TTN: variants seen among roughly 807,000 people sequenced by gnomAD.
TTN encodes the protein titin.
In TTN, 1,525 loss-of-function variants were observed where a neutral mutation model predicts 3,223.0. The observed-to-expected ratio is 0.47, with a 90% CI of 0.45 to 0.49. The LOEUF (loss-of-function observed/expected upper bound fraction) is 0.49, where lower values mean the gene tolerates loss of function less well. Among genes scored for constraint, TTN ranks in the 20% least tolerant of loss-of-function variants. The pLI is 0.00. For synonymous variants in TTN, 14,094 were observed against 15,161.0 expected (o/e 0.93, Z 5.17); for missense variants, 40,786 against 43,424.0 (o/e 0.94, Z 5.40).
chr2:178,527,304 AT>A lies in TTN; in HGVS notation c.107683del (p.Ile35895PhefsTer20). On this transcript the variant is annotated frameshift_variant and splice_region_variant, in exon 363 of 363. Coordinates refer to ENST00000589042, the MANE Select transcript of TTN (RefSeq NM_001267550.2). LOFTEE classifies it high-confidence loss of function. ...TGGAAGAGCTTCAATTTTAGGCGGA[AT>A]TCCTTTATGGAACAATGACAAAAAA... ...SKMLKAGIRG[I>X]PPKIEALPSD... 1 of 1,590,980 alleles carries A rather than the reference AT, an allele frequency of 6.3e-7. No homozygotes were observed. Among genetic ancestry groups the A allele is most frequent in the Non-Finnish European group, 8.6e-7 (1 of 1,168,294 alleles).
chr2:178,682,187 T>C (rs2069583446), intron 135 of TTN, among the ~76,000 whole-genome samples: 1 of 152,120 alleles, frequency 6.6e-6, no homozygotes, highest in South Asian at 2.1e-4. Context: ...TGACCTTCAT[T>C]AGGTAAAACA....
At chr2:178,604,615 T>C (rs2054340692) in intron 281 of TTN, 93 bp downstream of exon 281, 15 of 1,360,736 alleles carry the variant, frequency 1.1e-5, no homozygotes, top group Non-Finnish European at 1.4e-5. Context: ...TGGTTTTGAG[T>C]TTAATTATCA....
rs56324595 is a variant in TTN, at chr2:178,530,846, C to T, written c.105769G>A (p.Glu35257Lys). The T allele has an allele frequency of 0.017, 28,170 of 1,613,672 alleles. 315 individuals carry two copies. Among genetic ancestry groups the T allele is most frequent in the Non-Finnish European group, 0.02 (24,162 of 1,179,842 alleles). ...GATACGGCTTTCGGGTGAGAAGGTTCTGGAGATTTCACTCGTTTTGGAGAC... is the reference window on the plus strand; with the variant it reads ...GATACGGCTTTCGGGTGAGAAGGTTTTGGAGATTTCACTCGTTTTGGAGAC... ...VKSPKRVKSP[E>K]PSHPKAVSPT... Residue 35257 changes from glutamate to lysine, a missense_variant, in exon 358 of 363, where the codon GAA becomes AAA. Physicochemically the swap from Glu to Lys is moderately conservative, Grantham distance 56 (BLOSUM62 1). Coordinates refer to ENST00000589042, the MANE Select transcript of TTN (RefSeq NM_001267550.2).
rs2052857584 is a variant in TTN at position 178,599,974 on chromosome 2, T to C, written c.56051-124A>G. The C allele has an allele frequency of 6.9e-6, 6 of 872,620 alleles. No individual in the cohort carries two copies. In the South Asian group the frequency reaches 1.3e-4, roughly 19 times the overall value. 54.1% of individuals were successfully genotyped at this position (872,620 alleles called of 1,614,324 possible). A position where few individuals can be genotyped will look rare whatever the true frequency, so the allele number is the denominator to read the frequency against. On this transcript the variant is annotated intron_variant, in intron 288 of 362. Coordinates refer to ENST00000589042, the MANE Select transcript of TTN (RefSeq NM_001267550.2). ...GCAGACTTTGTAGCTCAGCCCAATA[T>C]AAAGAATGGTTCTGTCTTTAACACT...
intron 146 of TTN, 112 bp downstream of exon 146, chr2:178,677,509 G>A (rs1397264918): frequency 1.8e-6 from 2 of 1,131,358 alleles, no homozygotes; most frequent in African/African-American, 1.6e-5. Flanking sequence ...GATTTAGGTG[G>A]TCAATCACAG....
rs1447249014 is a variant in TTN, at chr2:178,617,862, CTG to C, written c.47487_47488del (p.Tyr15829Ter). On this transcript the variant is annotated stop_gained and frameshift_variant, in exon 253 of 363. Coordinates refer to ENST00000589042, the MANE Select transcript of TTN (RefSeq NM_001267550.2). LOFTEE classifies it high-confidence loss of function. ...TCGATTTTGGGCTCTCACTCGGAAA[CTG>C]TACTCCTGTCCTTCTACCACATCAG... 6.2e-7 allele frequency: 1 copy of C among 1,612,522 alleles called. No homozygotes were observed. The highest frequency in any genetic ancestry group is 1.3e-5 in the African/African-American group (1 of 74,802).
chr2:178,605,642 C>G lies in TTN; in HGVS notation c.53653G>C (p.Glu17885Gln). The G allele has an allele frequency of 6.2e-7, 1 of 1,611,132 alleles. No homozygotes were observed. The highest frequency in any genetic ancestry group is 1.3e-5 in the African/African-American group (1 of 74,864). ...TKSTITLDWK[E>Q]PRSNGGSPIQ... ...GGACTGCCACCATTACTGCGGGGCT[C>G]TTTCCAGTCAAGTGTGATAGTGGAC... Residue 17885 changes from glutamate (E) to glutamine (Q), a missense_variant, in exon 279 of 363, where the codon GAG (glutamate) becomes CAG (glutamine). Glu to Gln is a conservative substitution (Grantham distance 29). Transcript: ENST00000589042.
rs368692616 is a variant in TTN, at chr2:178,731,329, A to T, written c.17437T>A (p.Cys5813Ser). The T allele has an allele frequency of 1.7e-5, 28 of 1,613,804 alleles. No individual in the cohort carries two copies. In the African/African-American group the frequency reaches 3.5e-4, roughly 20 times the overall value. The change falls in exon 59 of 363, where the codon TGT becomes AGT. Residue 5813 changes from cysteine to serine, a missense_variant. Physicochemically the swap from Cys to Ser is moderately radical, Grantham distance 112. Coordinates refer to ENST00000589042, the MANE Select transcript of TTN (RefSeq NM_001267550.2). ...CCTTTTACTGAGAGTAATGCAGAAC[A>T]TCTTTGTATTCCTGCATCATTTTTG... ...QAKNDAGIQR[C>S]SALLSVKEPA... is the part of the protein sequence containing the mutation.
rs753055426 is a variant in TTN at position 178,573,625 on chromosome 2, T to C, written c.72507A>G (p.Ala24169=). 32 of 1,502,096 alleles carry C rather than the reference T, an allele frequency of 2.1e-5. No homozygotes were observed. Among genetic ancestry groups the C allele is most frequent in the Non-Finnish European group, 2.8e-5 (32 of 1,128,104 alleles). 93.0% of individuals were successfully genotyped at this position (1,502,096 alleles called of 1,614,324 possible). Residue 24169 remains alanine, a synonymous_variant, in exon 326 of 363, where the codon GCA becomes GCG. Coordinates refer to ENST00000589042, the MANE Select transcript of TTN (RefSeq NM_001267550.2). ...IVQKRETSRL[A]WTNVASEVQV... ...GGACTTCTGAGGCTACATTTGTCCA[T>C]GCCAATCTGCTGGTTTCACGTTTCT...
At position 178,629,281 on chromosome 2, in the gene TTN, A is replaced by G. The variant is rs761379783; in HGVS notation, c.44424+20T>C. ...ACTCCAGAAAAAGAACGGGAAAGACAAGGCATGCCTGCTTTTTACCTTATC... is the reference window on the plus strand; with the variant it reads ...ACTCCAGAAAAAGAACGGGAAAGACGAGGCATGCCTGCTTTTTACCTTATC... On this transcript the variant is annotated intron_variant, in intron 240 of 362. Coordinates refer to ENST00000589042, the MANE Select transcript of TTN (RefSeq NM_001267550.2). The G allele has an allele frequency of 2.5e-6, 4 of 1,609,574 alleles. No individual in the cohort carries two copies. The African/African-American group carries it at 4.0e-5, about 16-fold the overall frequency.
intron 111 of TTN, among the ~76,000 whole-genome samples, chr2:178,700,318 A>G (rs889513858): frequency 7.9e-5 from 12 of 152,240 alleles, no homozygotes; most frequent in African/African-American, 2.9e-4. Context: ...CTGGCTGAAA[A>G]ATAGGTCAAG....
intron 6 of TTN, among the ~76,000 whole-genome samples, chr2:178,796,587 G>A (rs970904892): frequency 6.6e-5 from 10 of 152,138 alleles, no homozygotes; most frequent in African/African-American, 2.4e-4. Flanking sequence ...TTCTGAACAT[G>A]ACTGCCTTTG....
intron 159 of TTN, among the ~76,000 whole-genome samples, chr2:178,669,009 C>T (rs1461118564): frequency 6.6e-6 from 1 of 150,780 alleles, no homozygotes; most frequent in South Asian, 2.1e-4. Context: ...AATGGTGAAA[C>T]ATTTTGATTT....
At chr2:178,684,210 TAAC>T (rs954696433) in intron 132 of TTN, 117 bp downstream of exon 132, 63 of 1,355,104 alleles carry the variant, frequency 4.6e-5, no homozygotes, top group Non-Finnish European at 5.6e-5. Flanking sequence ...ACAACAACTG[TAAC>T]AACAACAACA....
rs757885544 is a variant in TTN, at chr2:178,608,782, T to A, written c.52229A>T (p.Asp17410Val). The A allele has an allele frequency of 6.2e-7, 1 of 1,612,568 alleles. No individual in the cohort carries two copies. The highest frequency in any genetic ancestry group is 1.3e-5 in the African/African-American group (1 of 74,852). Reference protein sequence around the residue: ...EIINYTLEKKDKTKPDSEWIV... With the variant: ...EIINYTLEKKVKTKPDSEWIV... ...CCATTCTGAGTCGGGTTTTGTCTTG[T>A]CTTTCTTTTCCAAAGTGTAGTTTAT... Residue 17410 changes from aspartate to valine, a missense_variant, in exon 274 of 363, where the codon GAC becomes GTC. Asp to Val is a radical substitution (Grantham distance 152, BLOSUM62 -3). Coordinates refer to ENST00000589042, the MANE Select transcript of TTN (RefSeq NM_001267550.2).
At chr2:178,710,977 T>TTTA in intron 97 of TTN, 55 bp from the exon 98 acceptor site, 34 of 1,556,128 alleles carry the variant, frequency 2.2e-5, no homozygotes, top group Non-Finnish European at 2.9e-5. Context: ...ACCATGTCAG[T>TTTA]TTACTGAAAT....
chr2:178,773,323 A>G lies in TTN; in HGVS notation c.7641T>C (p.Thr2547=). 1 of 1,613,970 alleles carries G rather than the reference A, an allele frequency of 6.2e-7. No individual in the cohort carries two copies. Among genetic ancestry groups the G allele is most frequent in the Non-Finnish European group, 8.5e-7 (1 of 1,179,972 alleles). The part of the protein sequence containing the change: ...RGLRDLTCTE[T]QNVVFEVELS... The stretch of plus-strand genomic sequence containing the variant: ...GCTCAACCTCAAACACCACATTTTG[A>G]GTTTCTGTACAGGTAAGGTCACGAA... Residue 2547 remains threonine (T), a synonymous_variant, in exon 33 of 363, where the codon ACT becomes ACC. Transcript: ENST00000589042.
chr2:178,627,580 A>G (rs2059227581), intron 240 of TTN, among the ~76,000 whole-genome samples: 1 of 152,006 alleles, frequency 6.6e-6, no homozygotes, highest in African/African-American at 2.4e-5. Context: ...TAAAATTCCT[A>G]TGCCAAAAGA....
At position 178,734,774 on chromosome 2, in the gene TTN, C is replaced by A. The variant is rs561295343; in HGVS notation, c.15150G>T (p.Gly5050=). 4 of 1,613,828 alleles carry A rather than the reference C, an allele frequency of 2.5e-6. No individual in the cohort carries two copies. In the African/African-American group the frequency reaches 5.3e-5, roughly 22 times the overall value. The change falls in exon 51 of 363, where the codon GGG becomes GGT. Residue 5050 remains glycine, a synonymous_variant. Coordinates refer to ENST00000589042, the MANE Select transcript of TTN (RefSeq NM_001267550.2). ...DITDVKVEDS[G]SYSCEAVNDV... is the part of the protein sequence containing the mutation. ...CATTCACTGCTTCACATGAGTAACT[C>A]CCACTGTCTTCAACTTTTACATCCG... is the stretch of plus-strand genomic sequence containing the variant.
Sources: gnomAD v4.1 joint callset for allele counts (sites outside exome capture counted in the v4.1 genomes callset) on GRCh38, gnomAD v4.1.1 for gene constraint, MANE v1.5 for transcripts, NCBI Gene and HGNC (gene_info 2026-07-23, HGNC 2026-07-21) for gene names.